LOC128462377: variants seen among roughly 807,000 people sequenced by gnomAD.
the LOC128462377 span, chr16:89,324,280 G>A: frequency 2.4e-6 from 3 of 1,249,634 alleles, no homozygotes; most frequent in South Asian, 2.7e-5. Context: ...GGAGCCCCGT[G>A]CTCCGGAACA....
the LOC128462377 span, among the ~76,000 whole-genome samples, chr16:89,327,761 G>T: frequency 6.6e-6 from 1 of 152,098 alleles, no homozygotes; most frequent in East Asian, 1.9e-4. Context: ...AGGTTCATAT[G>T]GAACAAAACT....
At chr16:89,326,014 T>C in the LOC128462377 span, among the ~76,000 whole-genome samples, 2 of 152,160 alleles carry the variant, frequency 1.3e-5, no homozygotes, top group Non-Finnish European at 2.9e-5. Flanking sequence ...ACAGGGAGCT[T>C]GGAGCCTGAC....
the LOC128462377 span, among the ~76,000 whole-genome samples, chr16:89,317,548 C>T: frequency 1.3e-5 from 2 of 152,192 alleles, no homozygotes; most frequent in Non-Finnish European, 2.9e-5. Context: ...CCACTCACCA[C>T]CTGGGAAGGA....
the LOC128462377 span, among the ~76,000 whole-genome samples, chr16:89,369,877 CTT>C: frequency 6.6e-6 from 1 of 152,212 alleles, no homozygotes; most frequent in Non-Finnish European, 1.5e-5. Context: ...GCTCCCTGTT[CTT>C]TCTTACATCT....
chr16:89,370,170 G>A, the LOC128462377 span, among the ~76,000 whole-genome samples: 1 of 152,204 alleles, frequency 6.6e-6, no homozygotes, highest in Admixed American at 6.5e-5. Context: ...TCTTCCCCAC[G>A]CCCCTCCCTG....
chr16:89,344,135 G>A, the LOC128462377 span, among the ~76,000 whole-genome samples: 2 of 152,190 alleles, frequency 1.3e-5, no homozygotes, highest in Non-Finnish European at 2.9e-5. Context: ...AAACCCTGGA[G>A]TCTGTGCTCT....
the LOC128462377 span, among the ~76,000 whole-genome samples, chr16:89,405,675 T>C: frequency 6.6e-6 from 1 of 152,062 alleles, no homozygotes; most frequent in East Asian, 1.9e-4. Flanking sequence ...CTGCTGCAGA[T>C]AAGGCATGTT....
At chr16:89,414,399 G>A in the LOC128462377 span, among the ~76,000 whole-genome samples, 4 of 152,264 alleles carry the variant, frequency 2.6e-5, no homozygotes, top group Admixed American at 6.5e-5. Context: ...ACTGGGAACC[G>A]CGTGCTGGGG....
At chr16:89,385,077 T>C in the LOC128462377 span, among the ~76,000 whole-genome samples, 1,545 of 151,800 alleles carry the variant, frequency 0.01, 21 homozygotes, top group African/African-American at 0.035. Flanking sequence ...GTAGAGACGA[T>C]ATTTCACCAT....
the LOC128462377 span, among the ~76,000 whole-genome samples, chr16:89,400,968 C>T: frequency 3.9e-5 from 6 of 152,198 alleles, no homozygotes; most frequent in African/African-American, 9.6e-5. Flanking sequence ...CCGTCTGCCC[C>T]GGGGCTGCCT....
the LOC128462377 span, among the ~76,000 whole-genome samples, chr16:89,385,448 G>T: frequency 7.9e-5 from 12 of 152,062 alleles, no homozygotes; most frequent in Admixed American, 5.9e-4. Context: ...GGTTTTCTAT[G>T]GCAGAGCAGA....
the LOC128462377 span, among the ~76,000 whole-genome samples, chr16:89,328,556 G>A: frequency 6.6e-6 from 1 of 150,802 alleles, no homozygotes; most frequent in African/African-American, 2.5e-5. Context: ...ATCTGCAGAG[G>A]CCCCTGCTGA....
chr16:89,380,011 G>A, the LOC128462377 span, among the ~76,000 whole-genome samples: 82,467 of 151,946 alleles, frequency 0.54, 22,633 homozygotes, highest in Middle Eastern at 0.74. Context: ...TCAAGCTTCA[G>A]TCCAGGTCCA....
At chr16:89,416,597 C>G in the LOC128462377 span, among the ~76,000 whole-genome samples, 1 of 151,952 alleles carries the variant, frequency 6.6e-6, no homozygotes, top group South Asian at 2.1e-4. Flanking sequence ...TGTGCCTGGC[C>G]ACTAATTGCT....
At chr16:89,405,974 G>A in the LOC128462377 span, among the ~76,000 whole-genome samples, 1 of 152,100 alleles carries the variant, frequency 6.6e-6, no homozygotes, top group Non-Finnish European at 1.5e-5. Context: ...ACCGGGCGTG[G>A]TGGCACACAC....
the LOC128462377 span, among the ~76,000 whole-genome samples, chr16:89,336,647 C>A: frequency 1.3e-5 from 2 of 152,148 alleles, no homozygotes; most frequent in African/African-American, 4.8e-5. Context: ...GGGCACCACA[C>A]CCCCCGGGTG....
At chr16:89,383,218 C>A in the LOC128462377 span, among the ~76,000 whole-genome samples, 1 of 152,162 alleles carries the variant, frequency 6.6e-6, no homozygotes, top group African/African-American at 2.4e-5. Context: ...GAGGGAGGAG[C>A]CACAAGAGCA....
chr16:89,414,129 C>A, the LOC128462377 span, among the ~76,000 whole-genome samples: 1 of 152,202 alleles, frequency 6.6e-6, no homozygotes, highest in Non-Finnish European at 1.5e-5. Context: ...ATCGCACCTG[C>A]CTTACAAGTT....
chr16:89,409,616 C>A, the LOC128462377 span, among the ~76,000 whole-genome samples: 1 of 152,136 alleles, frequency 6.6e-6, no homozygotes, highest in Non-Finnish European at 1.5e-5. Context: ...GAGTTCCAGG[C>A]CAGTCTGAGC....
Sources: gnomAD v4.1 joint callset for allele counts (sites outside exome capture counted in the v4.1 genomes callset) on GRCh38, gnomAD v4.1.1 for gene constraint, MANE v1.5 for transcripts.